The following NTM variants were observed in gnomAD, a reference collection of about 807,000 sequenced individuals.
NTM encodes the protein IgLON family member 2.
In NTM, 13 loss-of-function variants were observed where a neutral mutation model predicts 42.1. That is an observed-to-expected ratio of 0.31 (90% CI 0.20 to 0.49). The LOEUF (loss-of-function observed/expected upper bound fraction) is 0.49, where lower values mean the gene tolerates loss of function less well. NTM is among the 20% of genes least tolerant of loss of function. NTM has a pLI of 0.99. For missense variants in NTM, 373 were observed against 452.8 expected, an observed-to-expected ratio of 0.82 and a Z score of 1.60; for synonymous variants, 187 against 179.2, an observed-to-expected ratio of 1.04 and a Z score of -0.35.
At chr11:132,191,343 G>A (rs2079292401) in intron 3 of NTM, among the ~76,000 whole-genome samples, 1 of 152,172 alleles carries the variant, frequency 6.6e-6, no homozygotes. Context: ...TCAACCTCAA[G>A]GAGACAGAGG....
chr11:131,683,957 G>A (rs559082865), intron 1 of NTM, among the ~76,000 whole-genome samples: 51 of 152,274 alleles, frequency 3.3e-4, no homozygotes, highest in African/African-American at 1.2e-3. Context: ...AAGGGCAGGC[G>A]GTGGCAAGAG....
At chr11:131,674,689 A>G (rs2071050800) in intron 1 of NTM, among the ~76,000 whole-genome samples, 1 of 152,182 alleles carries the variant, frequency 6.6e-6, no homozygotes, top group African/African-American at 2.4e-5. Flanking sequence ...ATTTGCAGTT[A>G]CAAGAATATT....
chr11:132,036,894 T>A (rs1401328018), intron 2 of NTM, among the ~76,000 whole-genome samples: 1 of 152,186 alleles, frequency 6.6e-6, no homozygotes, highest in Non-Finnish European at 1.5e-5. Context: ...TATTAGAAAG[T>A]GTGGCATCCA....
intron 4 of NTM, among the ~76,000 whole-genome samples, chr11:132,266,557 T>C (rs1044434230): frequency 3.9e-5 from 6 of 152,230 alleles, no homozygotes; most frequent in Non-Finnish European, 8.8e-5. Context: ...GCTTTTAATC[T>C]CTTCCTCTGA....
At chr11:131,971,027 CTA>C (rs1222563393) in intron 2 of NTM, among the ~76,000 whole-genome samples, 1 of 152,168 alleles carries the variant, frequency 6.6e-6, no homozygotes, top group African/African-American at 2.4e-5. Context: ...CCAAACAAGC[CTA>C]TGACAAACAA....
At chr11:131,555,552 CATACCCAA>C (rs1398837334) in intron 1 of NTM, among the ~76,000 whole-genome samples, 1 of 152,306 alleles carries the variant, frequency 6.6e-6, no homozygotes, top group Non-Finnish European at 1.5e-5. Flanking sequence ...CAGCCTGTGG[CATACCCAA>C]TGACAGGTAG....
intron 2 of NTM, among the ~76,000 whole-genome samples, chr11:132,121,686 C>G (rs1395443181): frequency 6.6e-6 from 1 of 152,190 alleles, no homozygotes; most frequent in East Asian, 1.9e-4. Flanking sequence ...TCACACAGCT[C>G]TGTGTCCCTC....
intron 1 of NTM, among the ~76,000 whole-genome samples, chr11:131,638,058 CCA>C (rs1397331677): frequency 6.6e-6 from 1 of 152,024 alleles, no homozygotes; most frequent in East Asian, 1.9e-4. Context: ...AATGTTGTGA[CCA>C]CAGTTATTTT....
At chr11:131,504,926 C>A (rs867960135) in intron 1 of NTM, among the ~76,000 whole-genome samples, 1 of 152,114 alleles carries the variant, frequency 6.6e-6, no homozygotes, top group African/African-American at 2.4e-5. Context: ...TATGTTGATT[C>A]TTTTCAGAAT....
chr11:132,131,639 G>T (rs976375581), intron 2 of NTM, among the ~76,000 whole-genome samples: 2 of 152,112 alleles, frequency 1.3e-5, no homozygotes, highest in African/African-American at 4.8e-5. Context: ...TAAGGAAGCT[G>T]CAGGATCCCA....
At chr11:131,567,500 C>CA (rs557431472) in intron 1 of NTM, among the ~76,000 whole-genome samples, 2 of 152,032 alleles carry the variant, frequency 1.3e-5, no homozygotes, top group East Asian at 3.9e-4. Flanking sequence ...AAAAAAGACC[C>CA]AAAAATCTAG....
At chr11:132,208,494 A>G (rs1181870510) in intron 3 of NTM, among the ~76,000 whole-genome samples, 2 of 152,188 alleles carry the variant, frequency 1.3e-5, no homozygotes, top group East Asian at 1.9e-4. Flanking sequence ...CATGAGTTGG[A>G]TATTTTCCAA....
Position 132,002,595 on chromosome 11 carries a change from T to C in NTM, c.167+90947T>C, listed in dbSNP as rs2069562703. On this transcript the variant is annotated intron_variant, in intron 2 of 8. Transcript: ENST00000683400. This position sits in a 1 kb window ranked among gnomAD's most constrained non-coding sequence, Gnocchi z 4.5. The stretch of plus-strand genomic sequence containing the variant: ...GCTTCTGGCCATTGCTTGAATAACT[T>C]TCTGCCTCTAGTATCCCCAAACTTA... Among the ~76,000 whole-genome samples, 1 of 152,220 alleles carries C rather than the reference T, an allele frequency of 6.6e-6. No homozygotes were observed. Among genetic ancestry groups the C allele is most frequent in the East Asian group, 1.9e-4 (1 of 5,196 alleles).
intron 1 of NTM, among the ~76,000 whole-genome samples, chr11:131,878,584 AAAAAAAAAAAATATATATATATAT>A (rs2048887281): frequency 3.9e-5 from 2 of 50,760 alleles, no homozygotes; most frequent in African/African-American, 1.7e-4. Flanking sequence ...AAAAAAAAAA[AAAAAAAAAAAATATATATATATAT>A]ATATATATAT....
Position 131,552,483 on chromosome 11 carries a change from C to A in NTM, c.82+181595C>A, listed in dbSNP as rs554437874. On this transcript the variant is annotated intron_variant, in intron 1 of 8. Transcript: ENST00000683400. Reference sequence around the variant, plus strand: ...GAGGCCACTGCACCTCCAGCCTGGGCGACAGAGCGAGACTCCGTCTCAAAA... The same window carrying A: ...GAGGCCACTGCACCTCCAGCCTGGGAGACAGAGCGAGACTCCGTCTCAAAA... Among the ~76,000 whole-genome samples the A allele has an allele frequency of 4.0e-5, 5 of 126,496 alleles. No homozygotes were observed. The East Asian group carries it at 6.0e-4, about 15-fold the overall frequency. The allele number at this position is 126,496 out of a possible 152,430, so 83.0% of individuals were successfully genotyped here.
intron 1 of NTM, among the ~76,000 whole-genome samples, chr11:131,488,857 G>A (rs59605612): frequency 0.33 from 49,927 of 152,084 alleles, 8,613 homozygotes; most frequent in African/African-American, 0.41. Flanking sequence ...TCCAGCATAT[G>A]ATGGTGATAT....
At chr11:132,106,294 C>T (rs2062368093) in intron 2 of NTM, among the ~76,000 whole-genome samples, 1 of 152,182 alleles carries the variant, frequency 6.6e-6, no homozygotes, top group Admixed American at 6.5e-5. Context: ...TTTCCTTTGC[C>T]TTTTGTATGA....
chr11:132,226,707 A>G (rs550676887), intron 4 of NTM, among the ~76,000 whole-genome samples: 9 of 152,142 alleles, frequency 5.9e-5, no homozygotes, highest in Admixed American at 3.3e-4. Context: ...AATACTGTTG[A>G]TTTCGTCCAT....
chr11:131,951,097 T>C (rs974826335), intron 2 of NTM, among the ~76,000 whole-genome samples: 1 of 152,172 alleles, frequency 6.6e-6, no homozygotes, highest in Non-Finnish European at 1.5e-5. Context: ...CTATTTTCCC[T>C]TTAGTAATGG....
Sources: gnomAD v4.1 joint callset for allele counts (sites outside exome capture counted in the v4.1 genomes callset) on GRCh38, gnomAD v4.1.1 for gene constraint, Gnocchi (gnomAD v3.1) non-coding constraint, MANE v1.5 for transcripts, NCBI Gene and HGNC (gene_info 2026-07-23, HGNC 2026-07-21) for gene names.